ABCA4: variants seen among roughly 807,000 people sequenced by gnomAD.
ABCA4 encodes retinal-specific phospholipid-transporting ATPase ABCA4.
In ABCA4, 196 loss-of-function variants were observed where a neutral mutation model predicts 263.7. The ratio of observed to expected loss-of-function variants is 0.74; its 90% CI spans 0.66 to 0.84. The LOEUF (loss-of-function observed/expected upper bound fraction) is 0.84. Ranked by LOEUF, ABCA4 falls within the 40% of genes least tolerant of loss-of-function variation. The pLI, the probability that ABCA4 is intolerant of heterozygous loss-of-function variation, is 0.00. For missense variants in ABCA4, 2,792 were observed against 2,855.1 expected (o/e 0.98, Z 0.50); for synonymous variants, 1,133 against 1,094.2 (o/e 1.04, Z -0.70).
rs1659672730 is a variant in ABCA4 at position 94,014,637 on chromosome 1, C to T, written c.5366G>A (p.Ser1789Asn). The T allele has an allele frequency of 6.2e-7, 1 of 1,614,098 alleles. No individual in the cohort carries two copies. The highest frequency in any genetic ancestry group is 1.3e-5 in the African/African-American group (1 of 74,918). The change falls in exon 38 of 50, where the codon AGC (serine) becomes AAC (asparagine). Residue 1789 changes from serine to asparagine, a missense_variant. Transcript: ENST00000370225. ...ACAAGATAAAGCCACATAGGCTGTGCTGGGGACATCAAACAGGAAGGATGC... is the reference window on the plus strand; with the variant it reads ...ACAAGATAAAGCCACATAGGCTGTGTTGGGGACATCAAACAGGAAGGATGC... Reference protein sequence around the residue: ...YPASFLFDVPSTAYVALSCAN... With the variant: ...YPASFLFDVPNTAYVALSCAN...
chr1:94,067,900 C>T (rs961371484), intron 11 of ABCA4, among the ~76,000 whole-genome samples: 3 of 152,196 alleles, frequency 2.0e-5, no homozygotes, highest in Non-Finnish European at 4.4e-5. Flanking sequence ...TGTTTTTAAC[C>T]ACTATGGTAT....
chr1:93,998,214 A>G, intron 47 of ABCA4, 104 bp from the exon 48 acceptor site: 7 of 1,512,984 alleles, frequency 4.6e-6, no homozygotes, highest in Non-Finnish European at 6.4e-6. Flanking sequence ...GATTAAGCTC[A>G]GCTTGGTGGC....
At chr1:94,031,476 T>C (rs1409294915) in intron 27 of ABCA4, among the ~76,000 whole-genome samples, 1 of 152,214 alleles carries the variant, frequency 6.6e-6, no homozygotes, top group Non-Finnish European at 1.5e-5. Context: ...GATTTTGATA[T>C]GTAGGGTCAC....
intron 13 of ABCA4, 101 bp downstream of exon 13, chr1:94,062,476 C>T: frequency 6.8e-7 from 1 of 1,465,186 alleles, no homozygotes; most frequent in Non-Finnish European, 9.4e-7. Flanking sequence ...GGGGCTCTCT[C>T]TAAAGACATG....
At chr1:94,050,257 A>C (rs1388826501) in intron 17 of ABCA4, among the ~76,000 whole-genome samples, 1 of 152,252 alleles carries the variant, frequency 6.6e-6, no homozygotes, top group African/African-American at 2.4e-5. Flanking sequence ...ATGAAATAGC[A>C]AGAGGAAACA....
intron 6 of ABCA4, among the ~76,000 whole-genome samples, chr1:94,086,328 C>G (rs1264694488): frequency 6.6e-6 from 1 of 152,184 alleles, no homozygotes; most frequent in African/African-American, 2.4e-5. Context: ...TTCTGTAAGA[C>G]AAGTCTGCTT....
intron 26 of ABCA4, among the ~76,000 whole-genome samples, 165 bp downstream of exon 26, chr1:94,036,575 C>A (rs898328276): frequency 6.6e-6 from 1 of 152,014 alleles, no homozygotes; most frequent in African/African-American, 2.4e-5. Flanking sequence ...TGGGGTTTCA[C>A]CATGTTGGCC....
At chr1:94,084,480 C>T (rs1661782191) in intron 6 of ABCA4, among the ~76,000 whole-genome samples, 1 of 152,234 alleles carries the variant, frequency 6.6e-6, no homozygotes, top group Non-Finnish European at 1.5e-5. Flanking sequence ...CAGCCAGGTT[C>T]TCATTTGTAG....
rs1282536115 is a variant in ABCA4 at position 94,007,738 on chromosome 1, G to A, written c.5901C>T (p.Cys1967=). The change falls in exon 43 of 50, where the codon TGC becomes TGT. Residue 1967 remains cysteine, a splice_region_variant and synonymous_variant. Transcript: ENST00000370225. ...CACCATTCACTCCCAGGAGGCCAAA[G>A]CACTAGGAGAAAACACAGAGCTAGC... ...RLCVGVRPGE[C]FGLLGVNGAG... The A allele has an allele frequency of 1.2e-6, 2 of 1,613,628 alleles. No homozygotes were observed. The highest frequency in any genetic ancestry group is 1.3e-5 in the African/African-American group (1 of 74,922).
chr1:94,120,533 G>A (rs569725764), intron 1 of ABCA4, among the ~76,000 whole-genome samples: 3 of 152,314 alleles, frequency 2.0e-5, no homozygotes, highest in Admixed American at 6.5e-5. Context: ...AAAACAATGT[G>A]CCTCAGAGAA....
At chr1:94,072,021 T>C (rs968318925) in intron 11 of ABCA4, among the ~76,000 whole-genome samples, 1 of 152,246 alleles carries the variant, frequency 6.6e-6, no homozygotes, top group Admixed American at 6.5e-5. Context: ...GTACATTACA[T>C]GATCAGCAGC....
chr1:94,013,311 G>A (rs755918164), intron 38 of ABCA4, among the ~76,000 whole-genome samples: 1 of 151,424 alleles, frequency 6.6e-6, no homozygotes, highest in Non-Finnish European at 1.5e-5. Flanking sequence ...TAGCAGCCAC[G>A]AAACCCTAAC....
At chr1:94,014,470 CT>C in intron 38 of ABCA4, 72 bp downstream of exon 38, 2 of 1,557,988 alleles carry the variant, frequency 1.3e-6, no homozygotes, top group Middle Eastern at 1.9e-4. Context: ...ATGCTTGCCC[CT>C]GGCTCTGCTC....
At chr1:94,100,913 G>C (rs1662268992) in intron 5 of ABCA4, among the ~76,000 whole-genome samples, 2 of 152,362 alleles carry the variant, frequency 1.3e-5, no homozygotes, top group African/African-American at 4.8e-5. Context: ...TGGAGGTGGA[G>C]ATACAGATCA....
At position 94,023,422 on chromosome 1, in the gene ABCA4, A is replaced by G. The variant is rs779882888; in HGVS notation, c.4635-4T>C. On this transcript the variant is annotated splice_polypyrimidine_tract_variant and splice_region_variant and intron_variant, in intron 31 of 49. Coordinates refer to ENST00000370225, the MANE Select transcript of ABCA4 (RefSeq NM_000350.3). Reference sequence around the variant, plus strand: ...GACCCAGAATTTGCTCTTTAAGCTGAAAGCCAAAATAAAATAATGCAATGA... The same window carrying G: ...GACCCAGAATTTGCTCTTTAAGCTGGAAGCCAAAATAAAATAATGCAATGA... 5 of 1,607,088 alleles carry G rather than the reference A, an allele frequency of 3.1e-6. No individual in the cohort carries two copies. In the African/African-American group the frequency reaches 6.7e-5, roughly 21 times the overall value.
intron 18 of ABCA4, among the ~76,000 whole-genome samples, chr1:94,047,341 G>A (rs937017274): frequency 1.3e-5 from 2 of 152,144 alleles, no homozygotes; most frequent in African/African-American, 4.8e-5. Context: ...CTCTTACAAT[G>A]GTCCTAAGGG....
Position 94,002,690 on chromosome 1 carries a change from C to T in ABCA4, c.6148-698G>A, listed in dbSNP as rs576081120. 2.6e-5 allele frequency among the ~76,000 whole-genome samples: 4 copies of T among 152,260 alleles called. No individual in the cohort carries two copies. In the East Asian group the frequency reaches 5.8e-4, roughly 22 times the overall value. On this transcript the variant is annotated intron_variant, in intron 44 of 49. Coordinates refer to ENST00000370225, the MANE Select transcript of ABCA4 (RefSeq NM_000350.3). ...TGGAATGTTCCTCCCTAGGTGTGCA[C>T]GTGGCTCCTTCTCTCACCTCTAGTT... is the stretch of plus-strand genomic sequence containing the variant.
At chr1:94,119,339 C>G (rs2101186670) in intron 1 of ABCA4, among the ~76,000 whole-genome samples, 1 of 152,342 alleles carries the variant, frequency 6.6e-6, no homozygotes, top group South Asian at 2.1e-4. Context: ...GCTTCCCAGA[C>G]AAGTCAGGTT....
intron 11 of ABCA4, among the ~76,000 whole-genome samples, chr1:94,065,586 T>A (rs1413381411): frequency 6.6e-6 from 1 of 152,228 alleles, no homozygotes; most frequent in African/African-American, 2.4e-5. Context: ...CAACACTTCT[T>A]GGGCCTCCTG....
Sources: allele counts gnomAD v4.1 joint callset (sites outside exome capture counted in the v4.1 genomes callset), GRCh38; gene constraint gnomAD v4.1.1; transcripts MANE v1.5; gene names NCBI Gene and HGNC (gene_info 2026-07-23, HGNC 2026-07-21).